The following NIPSNAP3B variants were observed in gnomAD, a reference collection of about 807,000 sequenced individuals.
NIPSNAP3B encodes nipsnap homolog 3B, also known as protein NipSnap homolog 3B.
A neutral mutation model predicts 31.5 loss-of-function variants in NIPSNAP3B; 30 were observed. The ratio of observed to expected loss-of-function variants is 0.95; its 90% CI spans 0.71 to 1.29. The LOEUF (loss-of-function observed/expected upper bound fraction) is 1.29. NIPSNAP3B is among the 50% of genes most tolerant of loss of function. The pLI, the probability that NIPSNAP3B is intolerant of heterozygous loss-of-function variation, is 0.00. For synonymous variants in NIPSNAP3B, 106 were observed against 107.9 expected (o/e 0.98, Z 0.11); for missense variants, 269 against 300.7 (o/e 0.89, Z 0.78).
In NIPSNAP3B at chr9:104,776,464, T is replaced by A. The variant is rs1828339035; in HGVS notation, c.*3391T>A. Among the ~76,000 whole-genome samples the A allele has an allele frequency of 6.6e-6, 1 of 152,182 alleles. No homozygotes were observed. Among genetic ancestry groups the A allele is most frequent in the Non-Finnish European group, 1.5e-5 (1 of 68,028 alleles). ...AGGTTTGGCCTTTGTGAGTTAGTTT[T>A]AGATGAGGTCATGTGGGTAATAGAA... On this transcript the variant is annotated 3_prime_UTR_variant, in exon 6 of 6. Coordinates refer to ENST00000374762, the MANE Select transcript of NIPSNAP3B (RefSeq NM_018376.4).
chr9:104,767,823 A>G (rs867098064), intron 2 of NIPSNAP3B, among the ~76,000 whole-genome samples: 1 of 152,180 alleles, frequency 6.6e-6, no homozygotes, highest in African/African-American at 2.4e-5. Flanking sequence ...CATAAATCAT[A>G]TAATTCATTT....
Position 104,771,153 on chromosome 9 carries a change from C to T in NIPSNAP3B, c.580+155C>T, listed in dbSNP as rs545579382. 1.8e-3 allele frequency: 1,093 copies of T among 607,318 alleles called. 3 individuals carry two copies. The highest frequency in any genetic ancestry group is 2.7e-3 in the Non-Finnish European group (965 of 360,774). 37.6% of individuals were successfully genotyped at this position (607,318 alleles called of 1,614,324 possible). A position where few individuals can be genotyped will look rare whatever the true frequency, so the allele number is the denominator to read the frequency against. Reference sequence around the variant, plus strand: ...AATCTATAAGCATCTTATTTTACATCTTATTTTTTTAGAATGTTAATACTT... The same window carrying T: ...AATCTATAAGCATCTTATTTTACATTTTATTTTTTTAGAATGTTAATACTT... On this transcript the variant is annotated intron_variant, in intron 4 of 5. Transcript: ENST00000374762.
chr9:104,779,195 T>C (rs1409833785), downstream of NIPSNAP3B, among the ~76,000 whole-genome samples: 1 of 152,184 alleles, frequency 6.6e-6, no homozygotes, highest in African/African-American at 2.4e-5. Context: ...TGTTATCCAA[T>C]TACCATGTCT....
At position 104,773,001 on chromosome 9, in the gene NIPSNAP3B, G is replaced by A. The variant is rs1828258305; in HGVS notation, c.672G>A (p.Arg224=). The part of the protein sequence containing the change: ...HEDPRVVAAV[R]ESVNYLVSQQ... ...TCTTATGAAATGTTTTTCCAGTTCG[G>A]GAAAGTGTCAACTACCTAGTTTCTC... Residue 224 remains arginine (R), a synonymous_variant, in exon 6 of 6, where the codon CGG becomes CGA. Coordinates refer to ENST00000374762, the MANE Select transcript of NIPSNAP3B (RefSeq NM_018376.4). 6.2e-7 allele frequency: 1 copy of A among 1,614,046 alleles called. No homozygotes were observed. The highest frequency in any genetic ancestry group is 1.3e-5 in the African/African-American group (1 of 75,038).
chr9:104,764,393 C>T, intron 1 of NIPSNAP3B, 93 bp downstream of exon 1: 1 of 1,157,214 alleles, frequency 8.6e-7, no homozygotes, highest in Non-Finnish European at 1.2e-6. Flanking sequence ...CTCAGGCGCT[C>T]CCAGACCTGG....
At chr9:104,778,145 T>G (rs1828376800), downstream of NIPSNAP3B, among the ~76,000 whole-genome samples, 2 of 152,190 alleles carry the variant, frequency 1.3e-5, no homozygotes, top group Non-Finnish European at 2.9e-5. Context: ...TGTTATAGGA[T>G]CTCAGGCTCA....
rs568298805 is a variant in NIPSNAP3B, at chr9:104,773,908, G to A, written c.*835G>A. The A allele has an allele frequency of 6.6e-6, 1 of 152,172 alleles. No individual in the cohort carries two copies. The highest frequency in any genetic ancestry group is 2.1e-4 in the South Asian group (1 of 4,826). 9.4% of individuals were successfully genotyped at this position (152,172 alleles called of 1,614,324 possible). A position where few individuals can be genotyped will look rare whatever the true frequency, so the allele number is the denominator to read the frequency against. On this transcript the variant is annotated 3_prime_UTR_variant, in exon 6 of 6. Transcript: ENST00000374762. ...TAAAGCTCTTGCTATGTTGCTATAA[G>A]ACAGTAATATAGTGATAATTTACCA... is the stretch of plus-strand genomic sequence containing the variant.
At chr9:104,785,242 C>T in the NIPSNAP3B span, among the ~76,000 whole-genome samples, 1 of 152,114 alleles carries the variant, frequency 6.6e-6, no homozygotes. Context: ...TTTTCAGGTT[C>T]AGAGAGGTTT....
chr9:104,788,502 G>C, the NIPSNAP3B span: 1 of 1,614,172 alleles, frequency 6.2e-7, no homozygotes. Flanking sequence ...CAACAGCTCT[G>C]TGATGGCATC....
intron 4 of NIPSNAP3B, among the ~76,000 whole-genome samples, chr9:104,771,525 A>G (rs1162976602): frequency 6.6e-6 from 1 of 152,162 alleles, no homozygotes; most frequent in Non-Finnish European, 1.5e-5. Flanking sequence ...AGCTACATCC[A>G]TGTTCCCACA....
At chr9:104,785,079 C>T in the NIPSNAP3B span, among the ~76,000 whole-genome samples, 3 of 152,118 alleles carry the variant, frequency 2.0e-5, no homozygotes, top group African/African-American at 7.2e-5. Flanking sequence ...AGTGTCAGGA[C>T]CTATTTGGTA....
chr9:104,784,629 T>A, the NIPSNAP3B span, among the ~76,000 whole-genome samples: 43 of 152,178 alleles, frequency 2.8e-4, no homozygotes, highest in East Asian at 8.1e-3. Context: ...AAAAAAGCAA[T>A]AACAACTTAA....
intron 3 of NIPSNAP3B, 76 bp downstream of exon 3, chr9:104,769,097 C>A: frequency 4.8e-6 from 5 of 1,048,348 alleles, no homozygotes; most frequent in East Asian, 2.7e-5. Context: ...GAGTAAAGTT[C>A]TATAGGAAAA....
chr9:104,769,453 CAAAAAAAA>C (rs34083177), intron 3 of NIPSNAP3B, among the ~76,000 whole-genome samples: 4 of 109,434 alleles, frequency 3.7e-5, no homozygotes, highest in Admixed American at 3.3e-4. Context: ...GACTCCGTCT[CAAAAAAAA>C]AAAAAAAAAA....
rs1336298886 is a variant in NIPSNAP3B at position 104,764,279 on chromosome 9, C to T, written c.39C>T (p.Ala13=). 12 of 1,592,658 alleles carry T rather than the reference C, an allele frequency of 7.5e-6. No individual in the cohort carries two copies. The highest frequency in any genetic ancestry group is 9.4e-6 in the Non-Finnish European group (11 of 1,171,988). The change falls in exon 1 of 6, where the codon GCC becomes GCT. Residue 13 remains alanine (A), a synonymous_variant. Transcript: ENST00000374762. The part of the protein sequence containing the change: ...VLRSGLTKAL[A]SRTLAPQVCS... ...GAAGCGGCCTGACCAAGGCGCTTGC[C>T]TCACGGACGCTCGCGCCTCAGGTAC...
intron 4 of NIPSNAP3B, 42 bp downstream of exon 4, chr9:104,771,040 A>AT: frequency 1.9e-6 from 3 of 1,555,316 alleles, no homozygotes; most frequent in Non-Finnish European, 2.6e-6. Context: ...CATGTGTATT[A>AT]GATCAGTTCG....
At chr9:104,779,243 T>C (rs538194606), downstream of NIPSNAP3B, among the ~76,000 whole-genome samples, 1 of 152,320 alleles carries the variant, frequency 6.6e-6, no homozygotes, top group East Asian at 1.9e-4. Context: ...CAAAATACAT[T>C]AGATGTGTTT....
At chr9:104,789,857 G>A in the NIPSNAP3B span, among the ~76,000 whole-genome samples, 2 of 152,264 alleles carry the variant, frequency 1.3e-5, no homozygotes, top group East Asian at 1.9e-4. Flanking sequence ...ACTTTGGGAG[G>A]CTGAGGCAGG....
At chr9:104,778,810 T>C (rs1828386564), downstream of NIPSNAP3B, among the ~76,000 whole-genome samples, 1 of 152,204 alleles carries the variant, frequency 6.6e-6, no homozygotes, top group African/African-American at 2.4e-5. Context: ...CTTCCCATAG[T>C]AGCCAGTGTT....
Sources: allele counts gnomAD v4.1 joint callset (sites outside exome capture counted in the v4.1 genomes callset), GRCh38; gene constraint gnomAD v4.1.1; transcripts MANE v1.5; gene names NCBI Gene and HGNC (gene_info 2026-07-23, HGNC 2026-07-21).